The following BCAR1 variants were observed in gnomAD, a reference collection of about 807,000 sequenced individuals.
BCAR1 encodes the protein breast cancer anti-estrogen resistance protein 1.
A neutral mutation model predicts 67.6 loss-of-function variants in BCAR1; 30 were observed. That is an observed-to-expected ratio of 0.44 (90% CI 0.33 to 0.60). BCAR1 has a LOEUF of 0.60. Among genes scored for constraint, BCAR1 ranks in the 20% least tolerant of loss-of-function variants. The probability of loss-of-function intolerance (pLI) is 0.02; values close to 1 mark genes in which losing one functional copy is unlikely to be tolerated. For missense variants in BCAR1, 1,313 were observed against 1,222.3 expected (o/e 1.07, Z -1.11); for synonymous variants, 626 against 556.7 (o/e 1.12, Z -1.75).
chr16:75,232,587 T>C (rs1380443888), intron 6 of BCAR1, among the ~76,000 whole-genome samples: 2 of 152,196 alleles, frequency 1.3e-5, no homozygotes, highest in Non-Finnish European at 2.9e-5. Context: ...TGACATTTAT[T>C]CTTTTCTTGG....
intron 1 of BCAR1, chr16:75,267,854 G>A: frequency 1.3e-6 from 2 of 1,533,722 alleles, no homozygotes; most frequent in Non-Finnish European, 1.8e-6. Flanking sequence ...GCTTATTTAG[G>A]GCATCAGTAA....
chr16:75,258,151 C>A (rs2077823667), intron 1 of BCAR1, among the ~76,000 whole-genome samples: 1 of 152,222 alleles, frequency 6.6e-6, no homozygotes, highest in Admixed American at 6.5e-5. Context: ...CAGGGCGCAC[C>A]TTCCCTTGGC....
At chr16:75,244,762 T>C (rs754699493) in intron 1 of BCAR1, among the ~76,000 whole-genome samples, 7 of 152,138 alleles carry the variant, frequency 4.6e-5, no homozygotes, top group African/African-American at 1.7e-4. Flanking sequence ...TGGAGTCATA[T>C]TGGAGCCAAG....
intron 1 of BCAR1, chr16:75,266,169 T>A: frequency 2.7e-6 from 1 of 372,378 alleles, no homozygotes; most frequent in Non-Finnish European, 3.7e-6. Context: ...TCGCACCAGC[T>A]CTGGGTCGCC....
upstream of BCAR1, among the ~76,000 whole-genome samples, chr16:75,253,737 T>G (rs1403058494): frequency 6.6e-6 from 1 of 152,096 alleles, no homozygotes; most frequent in African/African-American, 2.4e-5. Context: ...GATGGGGATG[T>G]AGCTGGGGGG....
At chr16:75,264,432 C>G in intron 1 of BCAR1, 1 of 1,523,814 alleles carries the variant, frequency 6.6e-7, no homozygotes, top group Non-Finnish European at 8.8e-7. Context: ...TCCCCTGAGG[C>G]CCTGGGCCAG....
chr16:75,261,848 G>A (rs938341213), intron 1 of BCAR1, among the ~76,000 whole-genome samples: 18 of 152,228 alleles, frequency 1.2e-4, no homozygotes, highest in Admixed American at 1.1e-3. Context: ...GGCTGCCCAG[G>A]AGTCAGGAAT....
chr16:75,247,713 C>T (rs941273148), intron 1 of BCAR1: 20 of 292,852 alleles, frequency 6.8e-5, no homozygotes, highest in Admixed American at 1.8e-4. Context: ...CAGGGCCAGC[C>T]CAAACCAACT....
intron 1 of BCAR1, among the ~76,000 whole-genome samples, chr16:75,261,411 T>G (rs2077905583): frequency 6.6e-6 from 1 of 152,136 alleles, no homozygotes. Context: ...GCCCCTCCCT[T>G]AAGGAGCCAT....
At chr16:75,260,934 C>T (rs769025147) in intron 1 of BCAR1, among the ~76,000 whole-genome samples, 40 of 152,162 alleles carry the variant, frequency 2.6e-4, no homozygotes, top group Non-Finnish European at 5.4e-4. Flanking sequence ...TTTTCATGAT[C>T]CCAGACTATT....
intron 6 of BCAR1, among the ~76,000 whole-genome samples, 181 bp from the exon 7 acceptor site, chr16:75,230,204 C>T (rs756556872): frequency 6.6e-6 from 1 of 152,218 alleles, no homozygotes; most frequent in Non-Finnish European, 1.5e-5. Flanking sequence ...GGCAAGCCTT[C>T]TGGAGGTTGT....
intron 1 of BCAR1, among the ~76,000 whole-genome samples, chr16:75,251,162 C>A (rs1240270338): frequency 6.6e-6 from 1 of 152,130 alleles, no homozygotes; most frequent in Non-Finnish European, 1.5e-5. Context: ...CAAGGTGACA[C>A]AGCAGGCGGC....
chr16:75,238,205 G>A (rs749512091), intron 2 of BCAR1: 6 of 1,202,538 alleles, frequency 5.0e-6, no homozygotes, highest in South Asian at 1.5e-5. Flanking sequence ...AAGCGGGTAG[G>A]GGCCATGCCA....
In BCAR1 at chr16:75,233,869, T is replaced by C. The variant is rs1294605949; in HGVS notation, c.2077A>G (p.Lys693Glu). 6.2e-7 allele frequency: 1 copy of C among 1,609,190 alleles called. No individual in the cohort carries two copies. The highest frequency in any genetic ancestry group is 8.5e-7 in the Non-Finnish European group (1 of 1,178,080). ...ACCTGCTGCAACTCCAGCTGGCTCT[T>C]GCCCTGCCGCGTGATGCTGCCCTTT... ...LEKGSITRQGKSQLELQQLKQ... is the reference protein window; with the variant it reads ...LEKGSITRQGESQLELQQLKQ... Residue 693 changes from lysine (K) to glutamate (E), a missense_variant, in exon 6 of 7, where the codon AAG becomes GAG. This residue lies in a region of BCAR1 where 1,272 missense variants were observed against 1,137.5 expected (regional missense o/e 1.12). Transcript: ENST00000162330.
At chr16:75,248,164 G>C in intron 1 of BCAR1, 1 of 1,585,114 alleles carries the variant, frequency 6.3e-7, no homozygotes, top group Non-Finnish European at 8.5e-7. Flanking sequence ...GGTGGAGCTG[G>C]GTGGCTCCAC....
upstream of BCAR1, chr16:75,251,745 G>A (rs951197883): frequency 6.6e-5 from 63 of 951,854 alleles, no homozygotes; most frequent in Non-Finnish European, 6.5e-5. Context: ...CGGGGGCGCG[G>A]GCGCGCAGAC....
In BCAR1 at chr16:75,235,945, A is replaced by G. The variant is rs1347772168; in HGVS notation, c.954T>C (p.Asp318=). The change falls in exon 5 of 7, where the codon GAT becomes GAC. Residue 318 remains aspartate (D), a synonymous_variant. Transcript: ENST00000162330. ...VPPSVSKDVP[D]GPLLREETYD... ...AGGTCTCCTCACGCAGCAGTGGGCC[A>G]TCGGGCACATCCTTGCTCACCGATG... The G allele has an allele frequency of 3.2e-6, 5 of 1,574,424 alleles. No homozygotes were observed. The South Asian group carries it at 5.8e-5, about 18-fold the overall frequency.
At chr16:75,247,945 G>A in intron 1 of BCAR1, 1 of 803,262 alleles carries the variant, frequency 1.2e-6, no homozygotes, top group South Asian at 1.4e-5. Context: ...TTGTCACTAA[G>A]TTCACAATAA....
Position 75,228,316 on chromosome 16 carries a change from A to T in BCAR1, c.*1195T>A, listed in dbSNP as rs1483130369. On this transcript the variant is annotated 3_prime_UTR_variant, in exon 7 of 7. Coordinates refer to ENST00000162330, the MANE Select transcript of BCAR1 (RefSeq NM_014567.5). Reference sequence around the variant, plus strand: ...AGAGGTAAGATCAGGAGGGCTTGCGAATCACCCAGCCCTACTCCCTTCTTC... The same window carrying T: ...AGAGGTAAGATCAGGAGGGCTTGCGTATCACCCAGCCCTACTCCCTTCTTC... 6.6e-6 allele frequency: 1 copy of T among 152,198 alleles called. No homozygotes were observed. Among genetic ancestry groups the T allele is most frequent in the Non-Finnish European group, 1.5e-5 (1 of 68,052 alleles). 9.4% of individuals were successfully genotyped at this position (152,198 alleles called of 1,614,324 possible). A position where few individuals can be genotyped will look rare whatever the true frequency, so the allele number is the denominator to read the frequency against.
Sources: gnomAD v4.1 joint callset for allele counts (sites outside exome capture counted in the v4.1 genomes callset) on GRCh38, gnomAD v4.1.1 for gene constraint, gnomAD v4.1.1 regional missense constraint, MANE v1.5 for transcripts, NCBI Gene and HGNC (gene_info 2026-07-23, HGNC 2026-07-21) for gene names.